Variants in MYLK observed in about 807,000 individuals in gnomAD.
The protein encoded by MYLK is myosin light chain kinase.
MYLK carries 106 observed loss-of-function variants against 203.4 expected under a neutral mutation model. The observed-to-expected ratio is 0.52, with a 90% CI of 0.45 to 0.61. The LOEUF (loss-of-function observed/expected upper bound fraction) is 0.61, where lower values mean the gene tolerates loss of function less well. MYLK is among the 20% of genes least tolerant of loss of function. The pLI is 0.00. For missense variants in MYLK, 2,072 were observed against 2,442.3 expected (o/e 0.85, Z 3.20); for synonymous variants, 867 against 959.5 (o/e 0.90, Z 1.78).
chr3:123,740,363 G>A (rs1485011443), intron 5 of MYLK, among the ~76,000 whole-genome samples: 3 of 152,140 alleles, frequency 2.0e-5, no homozygotes, highest in African/African-American at 7.2e-5. Context: ...AGGGTAGTAC[G>A]CTCTACCTTC....
At chr3:123,708,152 C>A (rs569438360) in intron 15 of MYLK, 149 bp from the exon 16 acceptor site, 7 of 1,119,666 alleles carry the variant, frequency 6.3e-6, no homozygotes, top group Non-Finnish European at 5.3e-6. Flanking sequence ...TACACAAATG[C>A]AGCACACCCT....
At chr3:123,711,596 G>A (rs1311335447) in intron 13 of MYLK, among the ~76,000 whole-genome samples, 1 of 152,222 alleles carries the variant, frequency 6.6e-6, no homozygotes, top group Admixed American at 6.5e-5. Flanking sequence ...CAATCCTGGT[G>A]CAGGACAAGC....
chr3:123,853,747 C>T (rs534254837), intron 2 of MYLK, among the ~76,000 whole-genome samples: 2 of 152,130 alleles, frequency 1.3e-5, no homozygotes, highest in African/African-American at 4.8e-5. Context: ...ATAAATAAGA[C>T]AGAGAGCTTA....
At position 123,725,820 on chromosome 3, in the gene MYLK, G is replaced by A. The variant is rs1178131266; in HGVS notation, c.1651+124C>T. 11 of 1,425,104 alleles carry A rather than the reference G, an allele frequency of 7.7e-6. No individual in the cohort carries two copies. In the South Asian group the frequency reaches 1.4e-4, roughly 18 times the overall value. 88.3% of individuals were successfully genotyped at this position (1,425,104 alleles called of 1,614,324 possible). On this transcript the variant is annotated intron_variant, in intron 12 of 33. Coordinates refer to ENST00000360304, the MANE Select transcript of MYLK (RefSeq NM_053025.4). The stretch of plus-strand genomic sequence containing the variant: ...AGTGCCCGTGCTCTCTTTGTGCCCT[G>A]TGCTTCCTTCTCATACCACCAGGAT...
At chr3:123,614,448 T>C (rs1015684599) in intron 33 of MYLK, 99 bp from the exon 34 acceptor site, 6 of 1,472,924 alleles carry the variant, frequency 4.1e-6, no homozygotes, top group Middle Eastern at 2.3e-4. Context: ...TTGATTAAGG[T>C]GGTTAAGGAG....
chr3:123,823,891 C>T (rs1403825318), intron 3 of MYLK, among the ~76,000 whole-genome samples: 1 of 152,140 alleles, frequency 6.6e-6, no homozygotes, highest in Non-Finnish European at 1.5e-5. Context: ...TGACTCAGGG[C>T]CTTTGCAATG....
intron 24 of MYLK, 120 bp from the exon 25 acceptor site, chr3:123,649,314 G>A (rs2059129999): frequency 3.1e-6 from 4 of 1,303,610 alleles, no homozygotes; most frequent in African/African-American, 1.5e-5. Flanking sequence ...ACGACTACCA[G>A]GTCCAGAGCT....
intron 6 of MYLK, 59 bp downstream of exon 6, chr3:123,739,894 G>A: frequency 1.9e-6 from 3 of 1,581,976 alleles, no homozygotes; most frequent in Middle Eastern, 1.7e-4. Flanking sequence ...GACCTATCCT[G>A]CTCAAGTCAG....
chr3:123,756,434 GT>G (rs1157671103), intron 4 of MYLK, among the ~76,000 whole-genome samples: 5 of 152,184 alleles, frequency 3.3e-5, no homozygotes, highest in Admixed American at 6.5e-5. Flanking sequence ...AGAGAGGCTA[GT>G]ATGCAAGCCA....
At chr3:123,758,339 C>G (rs1015819772) in intron 4 of MYLK, among the ~76,000 whole-genome samples, 2 of 152,204 alleles carry the variant, frequency 1.3e-5, no homozygotes, top group Admixed American at 1.3e-4. Context: ...CTAAAAACAG[C>G]AATTAGTGAG....
At chr3:123,820,656 T>TTCCC (rs1560259981) in intron 3 of MYLK, among the ~76,000 whole-genome samples, 19 of 136,668 alleles carry the variant, frequency 1.4e-4, no homozygotes, top group Admixed American at 5.4e-4. Flanking sequence ...CCTTCCTTCC[T>TTCCC]TCCTTCCCTC....
chr3:123,826,429 C>G (rs564506941), intron 3 of MYLK, among the ~76,000 whole-genome samples: 4 of 152,198 alleles, frequency 2.6e-5, no homozygotes, highest in African/African-American at 9.6e-5. Context: ...AGCAGACATG[C>G]CCCCCAGCCA....
chr3:123,821,270 T>C (rs1171049877), intron 3 of MYLK, among the ~76,000 whole-genome samples: 1 of 151,352 alleles, frequency 6.6e-6, no homozygotes. Context: ...AGATCTCTTA[T>C]AATATATTTT....
intron 26 of MYLK, 42 bp from the exon 27 acceptor site, chr3:123,647,469 A>G (rs1227754111): frequency 6.3e-7 from 1 of 1,597,222 alleles, no homozygotes; most frequent in African/African-American, 1.3e-5. Flanking sequence ...ACATTTAGCC[A>G]AGCTTTCCGC....
At position 123,653,307 on chromosome 3, in the gene MYLK, G is replaced by A. The variant is rs144141076; in HGVS notation, c.4288+3819C>T. On this transcript the variant is annotated intron_variant, in intron 24 of 33. Coordinates refer to ENST00000360304, the MANE Select transcript of MYLK (RefSeq NM_053025.4). ...GAGAGCCATTTCCCTCTTCAGCAGA[G>A]GGATGGCCTATGAAGCTTTATAACT... Among the ~76,000 whole-genome samples, 694 of 152,260 alleles carry A rather than the reference G, an allele frequency of 4.6e-3. 1 individual carries two copies. Among genetic ancestry groups the A allele is most frequent in the Non-Finnish European group, 8.0e-3 (547 of 68,018 alleles).
At chr3:123,850,277 T>C (rs907652667) in intron 2 of MYLK, among the ~76,000 whole-genome samples, 4 of 152,208 alleles carry the variant, frequency 2.6e-5, no homozygotes, top group African/African-American at 9.7e-5. Context: ...GATGGCTGGG[T>C]GAAATAGTAT....
chr3:123,723,886 G>A (rs972085319), intron 12 of MYLK, among the ~76,000 whole-genome samples: 69 of 151,472 alleles, frequency 4.6e-4, no homozygotes, highest in Non-Finnish European at 5.4e-4. Context: ...TGCAAGCTAA[G>A]AATAGTTTTT....
intron 19 of MYLK, among the ~76,000 whole-genome samples, chr3:123,688,020 T>C (rs753837293): frequency 3.3e-5 from 5 of 152,182 alleles, no homozygotes; most frequent in Non-Finnish European, 5.9e-5. Context: ...ATTTGGTTTC[T>C]GGGACACCCC....
intron 2 of MYLK, among the ~76,000 whole-genome samples, chr3:123,838,814 G>T (rs1399526649): frequency 1.3e-5 from 2 of 152,164 alleles, no homozygotes; most frequent in Non-Finnish European, 2.9e-5. Flanking sequence ...AAAATTCTCA[G>T]CTGGATGTGG....
Sources: gnomAD v4.1 joint callset for allele counts (sites outside exome capture counted in the v4.1 genomes callset) on GRCh38, gnomAD v4.1.1 for gene constraint, MANE v1.5 for transcripts, NCBI Gene and HGNC (gene_info 2026-07-23, HGNC 2026-07-21) for gene names.